The following DNHD1 variants were observed in gnomAD, a reference collection of about 807,000 sequenced individuals.
DNHD1 encodes dynein heavy chain domain 1, also known as dynein heavy chain domain-containing protein 1.
DNHD1 carries 383 observed loss-of-function variants against 458.1 expected under a neutral mutation model. The observed-to-expected ratio is 0.84, with a 90% confidence interval of 0.77 to 0.91. DNHD1 has a LOEUF of 0.91. Among genes scored for constraint, DNHD1 ranks in the 40% least tolerant of loss-of-function variants. The pLI is 0.00. For missense variants in DNHD1, 5,336 were observed against 5,866.1 expected (o/e 0.91, Z 2.95); for synonymous variants, 2,203 against 2,376.9 (o/e 0.93, Z 2.13).
At chr11:6,527,569 G>A (rs946855979) in intron 10 of DNHD1, among the ~76,000 whole-genome samples, 4 of 152,210 alleles carry the variant, frequency 2.6e-5, no homozygotes, top group African/African-American at 9.7e-5. Flanking sequence ...TGAGGTGCAT[G>A]TTAGACATCC....
In DNHD1 at chr11:6,548,126, A is replaced by G. The variant is rs1242917532; in HGVS notation, c.6906-84A>G. The G allele has an allele frequency of 4.5e-6, 7 of 1,544,956 alleles. No individual in the cohort carries two copies. In the East Asian group the frequency reaches 1.5e-4, roughly 32 times the overall value. On this transcript the variant is annotated intron_variant, in intron 22 of 42. Coordinates refer to ENST00000254579, the MANE Select transcript of DNHD1 (RefSeq NM_144666.3). This position sits in a 1 kb window ranked among gnomAD's most constrained non-coding sequence, Gnocchi z 4.4. ...TAAAAACCCACATGACATCACTGTTAGGGTATGGTGGAGTGTGTGAGTGTG... is the reference window on the plus strand; with the variant it reads ...TAAAAACCCACATGACATCACTGTTGGGGTATGGTGGAGTGTGTGAGTGTG...
Position 6,553,626 on chromosome 11 carries a change from CAATA to C in DNHD1, c.7388-3051_7388-3048del, listed in dbSNP as rs1853405964. ...TTTTAAACCCCATAAAAAACTACTACAATAAATAAGTTAATTCATCAGGGTCACA... is the reference window on the plus strand; with the variant it reads ...TTTTAAACCCCATAAAAAACTACTACAATAAGTTAATTCATCAGGGTCACA... On this transcript the variant is annotated intron_variant, in intron 24 of 42. Transcript: ENST00000254579. 2.0e-5 allele frequency among the ~76,000 whole-genome samples: 3 copies of C among 152,196 alleles called. No homozygotes were observed. The South Asian group carries it at 6.2e-4, about 32-fold the overall frequency.
At chr11:6,525,035 C>T (rs567090135) in intron 10 of DNHD1, among the ~76,000 whole-genome samples, 68 of 152,184 alleles carry the variant, frequency 4.5e-4, no homozygotes, top group African/African-American at 1.5e-3. Context: ...TTATGTGTGG[C>T]GGAGGAGGCC....
In DNHD1 at chr11:6,548,653, G is replaced by C; in HGVS notation, c.7107G>C (p.Arg2369=). 1 of 1,551,458 alleles carries C rather than the reference G, an allele frequency of 6.4e-7. No individual in the cohort carries two copies. The highest frequency in any genetic ancestry group is 8.7e-7 in the Non-Finnish European group (1 of 1,146,950). ...GTFHPSIQTE[R]LLYVVDLLLS... is the part of the protein sequence containing the mutation. The stretch of plus-strand genomic sequence containing the variant: ...CCACTTCTGTCTTGCAGACTGAACG[G>C]CTCTTGTATGTGGTGGACCTGCTTC... The change falls in exon 24 of 43, where the codon CGG becomes CGC. Residue 2369 remains arginine (R), a synonymous_variant. Coordinates refer to ENST00000254579, the MANE Select transcript of DNHD1 (RefSeq NM_144666.3). This position sits in a 1 kb window ranked among gnomAD's most constrained non-coding sequence, Gnocchi z 4.4.
At chr11:6,512,180 C>CAACTGCA (rs1355243911) in intron 7 of DNHD1, among the ~76,000 whole-genome samples, 5 of 149,008 alleles carry the variant, frequency 3.4e-5, no homozygotes, top group South Asian at 2.1e-4. Context: ...AAAATGGCCT[C>CAACTGCA]AACTGCAAGG....
chr11:6,510,273 T>G (rs1852311195), intron 6 of DNHD1, among the ~76,000 whole-genome samples: 1 of 151,946 alleles, frequency 6.6e-6, no homozygotes, highest in Non-Finnish European at 1.5e-5. Flanking sequence ...TTAGTAGAGA[T>G]AAGGTTTCGC....
In DNHD1 at chr11:6,502,939, G is replaced by A; in HGVS notation, c.920+13G>A. The A allele has an allele frequency of 6.2e-7, 1 of 1,609,732 alleles. No individual in the cohort carries two copies. The highest frequency in any genetic ancestry group is 1.7e-4 in the Middle Eastern group (1 of 6,030). On this transcript the variant is annotated intron_variant, in intron 4 of 42. Transcript: ENST00000254579. ...GCCGGTACTTTAGGTGATAGCCTAT[G>A]TCCAGGCCCCTTCTCCTCCCCCTGC...
chr11:6,503,088 T>G (rs558477411), intron 4 of DNHD1, 162 bp downstream of exon 4: 10 of 710,600 alleles, frequency 1.4e-5, no homozygotes, highest in Admixed American at 3.6e-5. Context: ...CTCCTCAGCC[T>G]CCTCCTCCTT....
rs1347253253 is a variant in DNHD1, at chr11:6,547,930, G to T, written c.6795G>T (p.Arg2265=). 6.4e-7 allele frequency: 1 copy of T among 1,551,866 alleles called. No individual in the cohort carries two copies. Among genetic ancestry groups the T allele is most frequent in the Admixed American group, 2.0e-5 (1 of 51,000 alleles). The part of the protein sequence containing the change: ...FRSSKSSFLN[R]SQVDSDDVPD... ...CTTCAAAAAGCAGCTTTCTAAACCGGTCCCAGGTTGACAGTGACGATGTGC... is the reference window on the plus strand; with the variant it reads ...CTTCAAAAAGCAGCTTTCTAAACCGTTCCCAGGTTGACAGTGACGATGTGC... The change falls in exon 22 of 43, where the codon CGG becomes CGT. Residue 2265 remains arginine (R), a synonymous_variant. Transcript: ENST00000254579.
Position 6,548,603 on chromosome 11 carries a change from T to C in DNHD1, c.7099-42T>C, listed in dbSNP as rs1019067991. On this transcript the variant is annotated intron_variant, in intron 23 of 42. Coordinates refer to ENST00000254579, the MANE Select transcript of DNHD1 (RefSeq NM_144666.3). This position sits in a 1 kb window ranked among gnomAD's most constrained non-coding sequence, Gnocchi z 4.4. ...TTTATTTTCAGCTAGATTACTGTCTTATACTGGAGGTGCTGCAGTAAGTCC... is the reference window on the plus strand; with the variant it reads ...TTTATTTTCAGCTAGATTACTGTCTCATACTGGAGGTGCTGCAGTAAGTCC... 5 of 1,548,314 alleles carry C rather than the reference T, an allele frequency of 3.2e-6. No individual in the cohort carries two copies. Among genetic ancestry groups the C allele is most frequent in the Non-Finnish European group, 4.4e-6 (5 of 1,145,352 alleles).
In DNHD1 at chr11:6,566,897, G is replaced by A; in HGVS notation, c.11388G>A (p.Glu3796=). Residue 3796 remains glutamate (E), a splice_region_variant and synonymous_variant, in exon 36 of 43, where the codon GAG becomes GAA. Transcript: ENST00000254579. ...DTCKAVEAAE[E]RLLTMLLFQN... ...ATCCAACAAATGAGTGTATGCAGGA[G>A]CGGCTGCTGACGATGCTGCTGTTCC... is the stretch of plus-strand genomic sequence containing the variant. 6.2e-7 allele frequency: 1 copy of A among 1,611,548 alleles called. No homozygotes were observed. The highest frequency in any genetic ancestry group is 1.7e-4 in the Middle Eastern group (1 of 6,052).
intron 34 of DNHD1, 45 bp downstream of exon 34, chr11:6,566,438 CT>C: frequency 6.4e-7 from 1 of 1,552,178 alleles, no homozygotes; most frequent in East Asian, 2.4e-5. Context: ...TGTGGACACA[CT>C]AGGCCCTCAG....
chr11:6,533,739 C>A lies in DNHD1; in HGVS notation c.2564C>A (p.Ala855Glu). The A allele has an allele frequency of 2.6e-6, 4 of 1,551,490 alleles. No individual in the cohort carries two copies. The Middle Eastern group carries it at 5.0e-4, about 194-fold the overall frequency. Residue 855 changes from alanine (A) to glutamate (E), a missense_variant, in exon 14 of 43, where the codon GCA becomes GAA. Transcript: ENST00000254579. ...ELEERMEYVR[A>E]LHELIRNHFS... ...GAGGAGCGAATGGAATACGTACGGG[C>A]ACTCCACGAACTCATCCGCAACCAC...
intron 14 of DNHD1, among the ~76,000 whole-genome samples, chr11:6,535,360 C>T (rs1852923533): frequency 6.6e-6 from 1 of 152,132 alleles, no homozygotes; most frequent in Non-Finnish European, 1.5e-5. Context: ...CAAAGAAACC[C>T]CAGTAGCAAG....
In DNHD1 at chr11:6,528,438, C is replaced by CGTGTGTGT. The variant is rs1565003444; in HGVS notation, c.1838-84_1838-83insGTGTGTGT. On this transcript the variant is annotated intron_variant, in intron 10 of 42. Coordinates refer to ENST00000254579, the MANE Select transcript of DNHD1 (RefSeq NM_144666.3). Reference sequence around the variant, plus strand: ...GTGTGTGTGTGTGTGTGTGTGTGTACACACACTGAGGGCAAGGAGAAAGGA... The same window carrying CGTGTGTGT: ...GTGTGTGTGTGTGTGTGTGTGTGTACGTGTGTGTACACACTGAGGGCAAGGAGAAAGGA... 6.0e-4 allele frequency: 595 copies of CGTGTGTGT among 987,344 alleles called. 6 individuals are homozygous for CGTGTGTGT. The African/African-American group carries it at 0.011, about 18-fold the overall frequency. 61.2% of individuals were successfully genotyped at this position (987,344 alleles called of 1,614,324 possible). A position where few individuals can be genotyped will look rare whatever the true frequency, so the allele number is the denominator to read the frequency against.
intron 12 of DNHD1, among the ~76,000 whole-genome samples, chr11:6,532,172 A>G (rs1852839459): frequency 6.6e-6 from 1 of 152,220 alleles, no homozygotes; most frequent in African/African-American, 2.4e-5. Flanking sequence ...TATTTTTCCT[A>G]TTCTGTGCAT....
chr11:6,556,831 C>T lies in DNHD1; in HGVS notation c.7536C>T (p.Arg2512=), dbSNP rs765241363. Residue 2512 remains arginine (R), a synonymous_variant, in exon 25 of 43, where the codon CGC becomes CGT. Coordinates refer to ENST00000254579, the MANE Select transcript of DNHD1 (RefSeq NM_144666.3). ...TCACAGTGCCAGGATACTGTGAGCG[C>T]CCACTGTGTCCACGCCTCTTTCGAC... ...ATVTVPGYCE[R]PLCPRLFRLF... The T allele has an allele frequency of 6.4e-7, 1 of 1,551,648 alleles. No individual in the cohort carries two copies. The highest frequency in any genetic ancestry group is 1.4e-5 in the African/African-American group (1 of 73,162).
chr11:6,499,715 G>C (rs953013562), intron 3 of DNHD1, among the ~76,000 whole-genome samples: 1 of 150,596 alleles, frequency 6.6e-6, no homozygotes, highest in Non-Finnish European at 1.5e-5. Flanking sequence ...CTACAGGCAC[G>C]TGCCACCATA....
At chr11:6,521,860 G>T (rs1470275303) in intron 10 of DNHD1, among the ~76,000 whole-genome samples, 1 of 152,090 alleles carries the variant, frequency 6.6e-6, no homozygotes, top group Non-Finnish European at 1.5e-5. Context: ...GGAACTGCAG[G>T]AACATACCAC....
Sources: gnomAD v4.1 joint callset for allele counts (sites outside exome capture counted in the v4.1 genomes callset) on GRCh38, gnomAD v4.1.1 for gene constraint, Gnocchi (gnomAD v3.1) non-coding constraint, MANE v1.5 for transcripts, NCBI Gene and HGNC (gene_info 2026-07-23, HGNC 2026-07-21) for gene names.